Variants in THSD7B observed in about 807,000 individuals in gnomAD.
The protein encoded by THSD7B is thrombospondin type-1 domain-containing protein 7B.
THSD7B carries 138 observed loss-of-function variants against 213.6 expected under a neutral mutation model. The ratio of observed to expected loss-of-function variants is 0.65; its 90% CI spans 0.56 to 0.74. The LOEUF (loss-of-function observed/expected upper bound fraction) is 0.74, where lower values mean the gene tolerates loss of function less well. Among genes scored for constraint, THSD7B ranks in the 30% least tolerant of loss-of-function variants. THSD7B has a pLI of 0.00. For synonymous variants in THSD7B, 742 were observed against 687.0 expected (o/e 1.08, Z -1.25); for missense variants, 1,931 against 1,991.5 (o/e 0.97, Z 0.58).
At chr2:136,939,047 C>T (rs1452145356) in intron 2 of THSD7B, among the ~76,000 whole-genome samples, 2 of 152,134 alleles carry the variant, frequency 1.3e-5, no homozygotes, top group Admixed American at 6.5e-5. Flanking sequence ...GTCCATTAGC[C>T]TACCTGGCCA....
intron 15 of THSD7B, among the ~76,000 whole-genome samples, chr2:137,501,221 T>C (rs934037367): frequency 6.6e-6 from 1 of 152,218 alleles, no homozygotes; most frequent in Non-Finnish European, 1.5e-5. Flanking sequence ...TATGCAAATG[T>C]ATTTTATTAA....
At chr2:137,029,673 T>C (rs1686626608) in intron 2 of THSD7B, among the ~76,000 whole-genome samples, 1 of 152,162 alleles carries the variant, frequency 6.6e-6, no homozygotes, top group Non-Finnish European at 1.5e-5. Context: ...AAGGGGTCCT[T>C]CAAGTTGCTG....
intron 10 of THSD7B, among the ~76,000 whole-genome samples, chr2:137,263,457 T>C (rs1285564081): frequency 6.6e-6 from 1 of 152,148 alleles, no homozygotes; most frequent in African/African-American, 2.4e-5. Context: ...AGTAATGAGA[T>C]GGGATTAGAA....
chr2:137,661,188 T>G (rs2104821554), intron 25 of THSD7B, among the ~76,000 whole-genome samples: 1 of 152,290 alleles, frequency 6.6e-6, no homozygotes, highest in South Asian at 2.1e-4. Flanking sequence ...GAAGAGCAGT[T>G]ATTTTCAAGT....
At chr2:136,804,298 T>TTAA (rs1314671701) in intron 1 of THSD7B, among the ~76,000 whole-genome samples, 1 of 152,096 alleles carries the variant, frequency 6.6e-6, no homozygotes, top group East Asian at 1.9e-4. Context: ...GTATAATGAA[T>TTAA]TAATGTGTCT....
At chr2:137,228,527 T>C (rs920099) in intron 7 of THSD7B, among the ~76,000 whole-genome samples, 67,543 of 151,870 alleles carry the variant, frequency 0.44, 15,284 homozygotes, top group African/African-American at 0.53. Flanking sequence ...GAATTTGATG[T>C]CAAATAACTC....
chr2:137,070,451 G>C (rs1687458860), intron 3 of THSD7B, among the ~76,000 whole-genome samples: 1 of 151,772 alleles, frequency 6.6e-6, no homozygotes, highest in Admixed American at 6.6e-5. Flanking sequence ...TTGGAGGTAT[G>C]TTTTCAGGAT....
intron 7 of THSD7B, among the ~76,000 whole-genome samples, chr2:137,178,186 AT>A (rs34568563): frequency 0.012 from 1,710 of 144,614 alleles, 18 homozygotes; most frequent in African/African-American, 0.025. Context: ...CAGTGAGTAA[AT>A]TTTTTTTTTT....
chr2:137,225,370 T>C (rs1681472767), intron 7 of THSD7B, among the ~76,000 whole-genome samples: 1 of 152,228 alleles, frequency 6.6e-6, no homozygotes, highest in African/African-American at 2.4e-5. Context: ...GATTTACTGA[T>C]GAGCTGACAA....
At chr2:137,139,457 C>T (rs1458948127) in intron 5 of THSD7B, among the ~76,000 whole-genome samples, 2 of 152,164 alleles carry the variant, frequency 1.3e-5, no homozygotes, top group East Asian at 3.9e-4. Context: ...TGCAAATGCA[C>T]TCACTGACCA....
chr2:136,803,155 A>C (rs1367590492), intron 1 of THSD7B, among the ~76,000 whole-genome samples: 9 of 151,658 alleles, frequency 5.9e-5, no homozygotes, highest in East Asian at 1.9e-4. Flanking sequence ...AAATACACCC[A>C]CACACACACA....
chr2:137,620,561 C>A (rs1418650958), intron 19 of THSD7B, 48 bp from the exon 20 acceptor site: 2 of 1,453,430 alleles, frequency 1.4e-6, no homozygotes, highest in Non-Finnish European at 1.9e-6. Flanking sequence ...AGTGATTTGA[C>A]TAAAGAGTGA....
At position 137,179,397 on chromosome 2, in the gene THSD7B, A is replaced by G. The variant is rs1041550708; in HGVS notation, c.1723+8459A>G. 1.2e-4 allele frequency among the ~76,000 whole-genome samples: 19 copies of G among 152,142 alleles called. 1 individual carries two copies. The stretch of plus-strand genomic sequence containing the variant: ...TTGGCTCATTACTCTTGACACATTT[A>G]CCAGTTTTCCCTCTATGTAGACACA... On this transcript the variant is annotated intron_variant, in intron 7 of 27. Transcript: ENST00000409968.
chr2:137,170,170 A>G (rs552479340), intron 6 of THSD7B, among the ~76,000 whole-genome samples: 39 of 152,274 alleles, frequency 2.6e-4, no homozygotes, highest in Middle Eastern at 3.4e-3. Context: ...TTTTTTAAAC[A>G]TAATAACAAT....
chr2:137,114,563 G>A (rs577620734), intron 4 of THSD7B, among the ~76,000 whole-genome samples: 10 of 152,184 alleles, frequency 6.6e-5, no homozygotes, highest in South Asian at 6.2e-4. Flanking sequence ...ATAGTGGCAC[G>A]GTATTAACTC....
intron 14 of THSD7B, among the ~76,000 whole-genome samples, chr2:137,425,099 G>GATAATA (rs35350170): frequency 4.1e-5 from 6 of 147,334 alleles, no homozygotes; most frequent in South Asian, 2.1e-4. Context: ...TAATAATAAT[G>GATAATA]ATAATAATAA....
In THSD7B at chr2:137,526,000, G is replaced by C. The variant is rs118078590; in HGVS notation, c.3139-37221G>C. On this transcript the variant is annotated intron_variant, in intron 15 of 27. Transcript: ENST00000409968. ...CCCTGGGTCTTTGTTTCCTTGCCATGACTCTTCAGCTGCAGATATCTCACC... is the reference window on the plus strand; with the variant it reads ...CCCTGGGTCTTTGTTTCCTTGCCATCACTCTTCAGCTGCAGATATCTCACC... 2.1e-4 allele frequency among the ~76,000 whole-genome samples: 32 copies of C among 152,120 alleles called. No homozygotes were observed. In the East Asian group the frequency reaches 6.2e-3, roughly 29 times the overall value.
At chr2:137,312,690 G>T (rs1683949522) in intron 12 of THSD7B, among the ~76,000 whole-genome samples, 1 of 146,958 alleles carries the variant, frequency 6.8e-6, no homozygotes, top group Non-Finnish European at 1.5e-5. Flanking sequence ...GTGTCCCAGA[G>T]ATTCTGGTAT....
chr2:137,486,260 G>T (rs1207671659), intron 15 of THSD7B, among the ~76,000 whole-genome samples: 4 of 151,604 alleles, frequency 2.6e-5, no homozygotes, highest in Non-Finnish European at 4.4e-5. Context: ...CATCTCACGT[G>T]CAGAGACACA....
Sources: gnomAD v4.1 joint callset for allele counts (sites outside exome capture counted in the v4.1 genomes callset) on GRCh38, gnomAD v4.1.1 for gene constraint, MANE v1.5 for transcripts, NCBI Gene and HGNC (gene_info 2026-07-23, HGNC 2026-07-21) for gene names.